CACNA2D4: variants seen among roughly 807,000 people sequenced by gnomAD.
CACNA2D4 encodes calcium voltage-gated channel auxiliary subunit alpha2delta 4.
A neutral mutation model predicts 163.8 loss-of-function variants in CACNA2D4; 157 were observed. That is an observed-to-expected ratio of 0.96 (90% CI 0.84 to 1.09). The LOEUF (loss-of-function observed/expected upper bound fraction) is 1.09. Among genes scored for constraint, CACNA2D4 ranks in the 50% least tolerant of loss-of-function variants. CACNA2D4 has a pLI of 0.00. For missense variants in CACNA2D4, 1,410 were observed against 1,479.9 expected, an observed-to-expected ratio of 0.95 and a Z score of 0.78; for synonymous variants, 598 against 586.9, an observed-to-expected ratio of 1.02 and a Z score of -0.27.
At chr12:1,889,452 G>T (rs1436503565) in intron 6 of CACNA2D4, among the ~76,000 whole-genome samples, 3 of 152,084 alleles carry the variant, frequency 2.0e-5, no homozygotes, top group Admixed American at 2.0e-4. Context: ...AGTTCTAAAG[G>T]CCTTTGTTGA....
At chr12:1,896,606 AACACACAC>A (rs61535168) in intron 6 of CACNA2D4, among the ~76,000 whole-genome samples, 8,342 of 130,502 alleles carry the variant, frequency 0.064, 302 homozygotes, top group South Asian at 0.11. Context: ...GCTATTAATA[AACACACAC>A]ACACACACAC....
chr12:1,872,864 G>T (rs770705678), intron 18 of CACNA2D4, among the ~76,000 whole-genome samples: 3 of 152,200 alleles, frequency 2.0e-5, no homozygotes, highest in Non-Finnish European at 4.4e-5. Flanking sequence ...AGTGTTCAAG[G>T]TGGAATAGAA....
chr12:1,881,066 C>T (rs913089131), intron 13 of CACNA2D4, among the ~76,000 whole-genome samples: 4 of 152,144 alleles, frequency 2.6e-5, no homozygotes, highest in Non-Finnish European at 4.4e-5. Context: ...CAGAGGGTTC[C>T]GAAGTGGGTC....
chr12:1,800,499 C>A, intron 31 of CACNA2D4, 61 bp from the exon 32 acceptor site: 2 of 1,513,690 alleles, frequency 1.3e-6, no homozygotes, highest in East Asian at 2.3e-5. Flanking sequence ...TGCCCCCCCC[C>A]CACCACCAGC....
chr12:1,840,946 G>A, intron 25 of CACNA2D4, 127 bp from the exon 26 acceptor site: 3 of 799,644 alleles, frequency 3.8e-6, no homozygotes, highest in Non-Finnish European at 6.4e-6. Context: ...GAATTGAGGC[G>A]AGGGTGGGGA....
At chr12:1,839,773 C>T (rs576976174) in intron 26 of CACNA2D4, among the ~76,000 whole-genome samples, 20 of 152,204 alleles carry the variant, frequency 1.3e-4, no homozygotes, top group Non-Finnish European at 2.1e-4. Flanking sequence ...CAATAGGAGA[C>T]GGAGCAGGTA....
At position 1,878,955 on chromosome 12, in the gene CACNA2D4, C is replaced by T. The variant is rs1292204425; in HGVS notation, c.1644+1G>A. 1 of 1,613,554 alleles carries T rather than the reference C, an allele frequency of 6.2e-7. No individual in the cohort carries two copies. The highest frequency in any genetic ancestry group is 2.2e-5 in the East Asian group (1 of 44,872). On this transcript the variant is annotated splice_donor_variant, in intron 15 of 37. Coordinates refer to ENST00000382722, the MANE Select transcript of CACNA2D4 (RefSeq NM_172364.5). LOFTEE classifies it high-confidence loss of function. This position sits in a 1 kb window ranked among gnomAD's most constrained non-coding sequence, Gnocchi z 4.6. ...CCCACAGGGAACAGACCCAGGCTCA[C>T]CTTGTACCGGGGCGCCAGCTTCATC...
chr12:1,905,980 G>A (rs1172651069), intron 6 of CACNA2D4, among the ~76,000 whole-genome samples: 5 of 152,016 alleles, frequency 3.3e-5, no homozygotes, highest in Non-Finnish European at 7.4e-5. Flanking sequence ...ATAAAGAAAG[G>A]TATATAGACC....
At chr12:1,852,111 T>C (rs1391396093) in intron 23 of CACNA2D4, among the ~76,000 whole-genome samples, 2 of 152,228 alleles carry the variant, frequency 1.3e-5, no homozygotes, top group African/African-American at 4.8e-5. Flanking sequence ...TCATTGGGTA[T>C]AGTAATTTTC....
chr12:1,916,137 G>T (rs1866971307), intron 1 of CACNA2D4, among the ~76,000 whole-genome samples: 1 of 152,106 alleles, frequency 6.6e-6, no homozygotes, highest in East Asian at 1.9e-4. Context: ...GTGACTTCCG[G>T]GCTTCCAGTG....
intron 29 of CACNA2D4, 70 bp from the exon 30 acceptor site, chr12:1,801,714 G>A: frequency 1.8e-6 from 2 of 1,095,226 alleles, no homozygotes; most frequent in Non-Finnish European, 2.7e-6. Flanking sequence ...TCCGAGTCCA[G>A]CACTATTTAT....
chr12:1,907,606 A>G (rs750405645), intron 5 of CACNA2D4, 35 bp from the exon 6 acceptor site: 2 of 1,595,842 alleles, frequency 1.3e-6, no homozygotes. Context: ...GATCCTGTAG[A>G]ACTTCTCAGG....
intron 18 of CACNA2D4, among the ~76,000 whole-genome samples, chr12:1,860,567 G>A (rs931806753): frequency 3.9e-5 from 6 of 152,186 alleles, no homozygotes; most frequent in Non-Finnish European, 8.8e-5. Context: ...TGTGGCTAGC[G>A]GCTATATTGG....
chr12:1,914,397 C>G (rs2429164), intron 2 of CACNA2D4, among the ~76,000 whole-genome samples: 137,957 of 152,216 alleles, frequency 0.91, 62,757 homozygotes, highest in East Asian at 1. Context: ...GGACATGGCT[C>G]GGGGGCTGAC....
At chr12:1,835,598 A>T (rs1864824823) in intron 26 of CACNA2D4, 1 of 152,626 alleles carries the variant, frequency 6.6e-6, no homozygotes, top group African/African-American at 2.4e-5. Flanking sequence ...TAACACCAGG[A>T]TCCTTTGAGA....
rs1866059669 is a variant in CACNA2D4 at position 1,883,648 on chromosome 12, T to C, written c.1351+595A>G. On this transcript the variant is annotated intron_variant, in intron 12 of 37. Coordinates refer to ENST00000382722, the MANE Select transcript of CACNA2D4 (RefSeq NM_172364.5). This position sits in a 1 kb window ranked among gnomAD's most constrained non-coding sequence, Gnocchi z 4.5. ...CCCTTTCAGCACACTGTTCCCTCTG[T>C]CTGGAACACCCTTCCAGTCGCCCCA... 6.6e-6 allele frequency among the ~76,000 whole-genome samples: 1 copy of C among 152,182 alleles called. No individual in the cohort carries two copies. The highest frequency in any genetic ancestry group is 1.5e-5 in the Non-Finnish European group (1 of 68,024).
intron 26 of CACNA2D4, chr12:1,831,192 C>G (rs979717837): frequency 2.5e-6 from 4 of 1,613,892 alleles, no homozygotes; most frequent in African/African-American, 1.3e-5. Flanking sequence ...CCGGCTGCCC[C>G]GCTCCATTTT....
At chr12:1,915,495 C>T (rs932890856) in intron 1 of CACNA2D4, among the ~76,000 whole-genome samples, 6 of 152,182 alleles carry the variant, frequency 3.9e-5, no homozygotes, top group Admixed American at 2.6e-4. Context: ...TGTGGCCTCT[C>T]AATAAATCGT....
Position 1,901,999 on chromosome 12 carries a change from A to G in CACNA2D4, c.781+5441T>C, listed in dbSNP as rs117493009. On this transcript the variant is annotated intron_variant, in intron 6 of 37. Transcript: ENST00000382722. ...ACTAGCAAACTGAATACAGCAATAC[A>G]TTAAAAAGATCATTCATCATGACTA... Among the ~76,000 whole-genome samples the G allele has an allele frequency of 3.1e-3, 475 of 152,284 alleles. 18 individuals carry two copies. In the East Asian group the frequency reaches 0.078, roughly 25 times the overall value.
Sources: allele counts gnomAD v4.1 joint callset (sites outside exome capture counted in the v4.1 genomes callset), GRCh38; gene constraint gnomAD v4.1.1; non-coding constraint Gnocchi (gnomAD v3.1); transcripts MANE v1.5; gene names NCBI Gene and HGNC (gene_info 2026-07-23, HGNC 2026-07-21).